NFE2L3: variants seen among roughly 807,000 people sequenced by gnomAD.
NFE2L3 encodes the protein NFE2 like bZIP transcription factor 3.
NFE2L3 carries 18 observed loss-of-function variants against 23.5 expected under a neutral mutation model. That is an observed-to-expected ratio of 0.77 (90% confidence interval 0.53 to 1.13). The LOEUF (loss-of-function observed/expected upper bound fraction) is 1.13. NFE2L3 is among the 50% of genes most tolerant of loss of function. The pLI is 0.00. For synonymous variants in NFE2L3, 424 were observed against 354.5 expected (o/e 1.20, Z -2.20); for missense variants, 1,152 against 877.2 (o/e 1.31, Z -3.96).
chr7:26,168,291 C>G (rs560838152), intron 1 of NFE2L3, among the ~76,000 whole-genome samples: 1 of 151,822 alleles, frequency 6.6e-6, no homozygotes, highest in Non-Finnish European at 1.5e-5. Flanking sequence ...CACACGCCAC[C>G]ACACCTGGCT....
rs1784379022 is a variant in NFE2L3 at position 26,175,100 on chromosome 7, A to C, written c.571-2843A>C. On this transcript the variant is annotated intron_variant, in intron 1 of 3. Transcript: ENST00000056233. ...GGTGGCTCATGCCTGTAATCCCAGC[A>C]CTTTGGGAGGCTGAGGCGGACGGAT... 2.0e-5 allele frequency among the ~76,000 whole-genome samples: 3 copies of C among 151,528 alleles called. No individual in the cohort carries two copies. The South Asian group carries it at 6.2e-4, about 31-fold the overall frequency.
intron 1 of NFE2L3, among the ~76,000 whole-genome samples, chr7:26,157,344 ATT>A (rs1280239595): frequency 7.0e-6 from 1 of 143,316 alleles, no homozygotes. Context: ...CTTCTGGCTG[ATT>A]TTTTTTTTTT....
chr7:26,179,914 A>AC (rs1216965708), intron 2 of NFE2L3, among the ~76,000 whole-genome samples: 1 of 151,930 alleles, frequency 6.6e-6, no homozygotes, highest in Non-Finnish European at 1.5e-5. Context: ...TTCTTTGGAG[A>AC]CCCCTGGCCC....
chr7:26,160,969 G>A (rs1784157461), intron 1 of NFE2L3, among the ~76,000 whole-genome samples: 1 of 152,246 alleles, frequency 6.6e-6, no homozygotes. Context: ...GGCTGGTACA[G>A]TTCCTGGCAT....
intron 2 of NFE2L3, among the ~76,000 whole-genome samples, chr7:26,182,919 G>A (rs1416877953): frequency 6.6e-5 from 10 of 152,056 alleles, no homozygotes; most frequent in Non-Finnish European, 1.3e-4. Context: ...TCACCATCCC[G>A]GAGTAGCTGG....
chr7:26,164,361 A>AGAT (rs1244422843), intron 1 of NFE2L3, among the ~76,000 whole-genome samples: 1 of 152,198 alleles, frequency 6.6e-6, no homozygotes, highest in Non-Finnish European at 1.5e-5. Context: ...AACTGGTGTG[A>AGAT]GATGGTATCT....
At chr7:26,161,555 G>A (rs1024812353) in intron 1 of NFE2L3, among the ~76,000 whole-genome samples, 1 of 151,700 alleles carries the variant, frequency 6.6e-6, no homozygotes, top group Admixed American at 6.6e-5. Context: ...AAGGTCCTCT[G>A]CCTTGACGCT....
In NFE2L3 at chr7:26,183,723, C is replaced by T. The variant is rs755242482; in HGVS notation, c.773C>T (p.Thr258Ile). The change falls in exon 3 of 4, where the codon ACT becomes ATT. Residue 258 changes from threonine (T) to isoleucine (I), a missense_variant. Physicochemically the swap from Thr to Ile is moderately conservative, Grantham distance 89. Transcript: ENST00000056233. ...CAGAGACATCTGAATGGGACAGATA[C>T]TTCTTTCTCTCTGGAAGACTTATTC... ...RNERHLNGTDTSFSLEDLFQL... is the reference protein window; with the variant it reads ...RNERHLNGTDISFSLEDLFQL... The T allele has an allele frequency of 6.2e-7, 1 of 1,612,218 alleles. No individual in the cohort carries two copies. Among genetic ancestry groups the T allele is most frequent in the South Asian group, 1.1e-5 (1 of 91,050 alleles).
chr7:26,168,950 C>T (rs1784295852), intron 1 of NFE2L3, among the ~76,000 whole-genome samples: 2 of 152,076 alleles, frequency 1.3e-5, no homozygotes, highest in African/African-American at 2.4e-5. Context: ...AGCAACTGGC[C>T]CAATGTTACC....
Position 26,152,783 on chromosome 7 carries a change from G to T in NFE2L3, c.285G>T (p.Val95=), listed in dbSNP as rs760101781. Residue 95 remains valine (V), a synonymous_variant, in exon 1 of 4, where the codon GTG becomes GTT. Coordinates refer to ENST00000056233, the MANE Select transcript of NFE2L3 (RefSeq NM_004289.7). This position sits in a 1 kb window ranked among gnomAD's most constrained non-coding sequence, Gnocchi z 4.4. ...CCGAGGGCCAGCTGCTCCGGGAGGT[G>T]CGCGCGCTCGGGGTCCCCTTCGTCC... ...APPEGQLLRE[V]RALGVPFVPR... is the part of the protein sequence containing the mutation. The T allele has an allele frequency of 6.7e-7, 1 of 1,485,412 alleles. No homozygotes were observed. Among genetic ancestry groups the T allele is most frequent in the Non-Finnish European group, 8.9e-7 (1 of 1,125,476 alleles). 92.0% of individuals were successfully genotyped at this position (1,485,412 alleles called of 1,614,324 possible).
intron 2 of NFE2L3, among the ~76,000 whole-genome samples, chr7:26,180,160 A>G (rs1784480854): frequency 6.6e-6 from 1 of 152,160 alleles, no homozygotes. Flanking sequence ...CAAAAACAGG[A>G]CACTAAGCTT....
At chr7:26,161,335 C>CTTTTTTT in intron 1 of NFE2L3, among the ~76,000 whole-genome samples, 1 of 69,570 alleles carries the variant, frequency 1.4e-5, no homozygotes, top group Non-Finnish European at 2.8e-5. Flanking sequence ...GCTTCTCTCT[C>CTTTTTTT]TTTTTTTTTT....
rs115583510 is a variant in NFE2L3, at chr7:26,171,773, A to G, written c.571-6170A>G. Among the ~76,000 whole-genome samples, 1,088 of 152,254 alleles carry G rather than the reference A, an allele frequency of 7.1e-3. 8 individuals are homozygous for G. Among genetic ancestry groups the G allele is most frequent in the African/African-American group, 0.025 (1,036 of 41,540 alleles). ...TGGCCAGGAGTGATGACCCACACCT[A>G]TAATCCCAGTGTTTTGGGAGGCCAA... On this transcript the variant is annotated intron_variant, in intron 1 of 3. Transcript: ENST00000056233.
At chr7:26,160,399 G>A (rs907802622) in intron 1 of NFE2L3, among the ~76,000 whole-genome samples, 1 of 152,196 alleles carries the variant, frequency 6.6e-6, no homozygotes, top group African/African-American at 2.4e-5. Flanking sequence ...GTGATCTTTT[G>A]AAATTGGGGA....
chr7:26,153,880 A>T (rs547657345), intron 1 of NFE2L3, among the ~76,000 whole-genome samples: 12 of 152,334 alleles, frequency 7.9e-5, no homozygotes, highest in Admixed American at 5.2e-4. Flanking sequence ...CCACAAAACC[A>T]CTTTACCCAA....
Position 26,152,579 on chromosome 7 carries a change from C to T in NFE2L3, c.81C>T (p.Arg27=). ...LTLLLSLAGL[R]VDLDLYLLLP... Reference sequence around the variant, plus strand: ...TCCTGCTGAGCTTGGCGGGGCTCCGCGTAGACCTAGATCTTTACCTGCTGC... The same window carrying T: ...TCCTGCTGAGCTTGGCGGGGCTCCGTGTAGACCTAGATCTTTACCTGCTGC... The change falls in exon 1 of 4, where the codon CGC becomes CGT. Residue 27 remains arginine, a synonymous_variant. Coordinates refer to ENST00000056233, the MANE Select transcript of NFE2L3 (RefSeq NM_004289.7). This position sits in a 1 kb window ranked among gnomAD's most constrained non-coding sequence, Gnocchi z 4.4. 2 of 1,539,520 alleles carry T rather than the reference C, an allele frequency of 1.3e-6. No individual in the cohort carries two copies. The highest frequency in any genetic ancestry group is 1.7e-6 in the Non-Finnish European group (2 of 1,153,432).
chr7:26,154,293 G>C (rs551871647), intron 1 of NFE2L3, among the ~76,000 whole-genome samples: 1 of 152,280 alleles, frequency 6.6e-6, no homozygotes, highest in African/African-American at 2.4e-5. Flanking sequence ...GGACCCCATG[G>C]GGTCTGTCTC....
chr7:26,172,936 T>C (rs1784348341), intron 1 of NFE2L3, among the ~76,000 whole-genome samples: 1 of 152,210 alleles, frequency 6.6e-6, no homozygotes, highest in Non-Finnish European at 1.5e-5. Flanking sequence ...CATAAAATTT[T>C]CACTCCTTAA....
rs1431987565 is a variant in NFE2L3, at chr7:26,152,297, C to A, written c.-202C>A. ...TCTCCCGATCCCCGGCGGTGCCAGG[C>A]ACGGTGCCGGCTGCCGAGGGAACGC... On this transcript the variant is annotated 5_prime_UTR_variant, in exon 1 of 4. Coordinates refer to ENST00000056233, the MANE Select transcript of NFE2L3 (RefSeq NM_004289.7). This position sits in a 1 kb window ranked among gnomAD's most constrained non-coding sequence, Gnocchi z 4.4. 1.5e-5 allele frequency: 4 copies of A among 272,976 alleles called. No homozygotes were observed. Among genetic ancestry groups the A allele is most frequent in the Admixed American group, 5.4e-5 (1 of 18,664 alleles). 16.9% of individuals were successfully genotyped at this position (272,976 alleles called of 1,614,324 possible).
Sources: allele counts gnomAD v4.1 joint callset (sites outside exome capture counted in the v4.1 genomes callset), GRCh38; gene constraint gnomAD v4.1.1; non-coding constraint Gnocchi (gnomAD v3.1); transcripts MANE v1.5; gene names NCBI Gene and HGNC (gene_info 2026-07-23, HGNC 2026-07-21).